The following APAF1 variants were observed in gnomAD, a reference collection of about 807,000 sequenced individuals.
APAF1 encodes apoptotic protease-activating factor 1.
In APAF1, 91 loss-of-function variants were observed where a neutral mutation model predicts 152.4. The ratio of observed to expected loss-of-function variants is 0.60; its 90% CI spans 0.50 to 0.71. The LOEUF is 0.71. Among genes scored for constraint, APAF1 ranks in the 30% least tolerant of loss-of-function variants. APAF1 has a pLI of 0.00. For missense variants in APAF1, 1,283 were observed against 1,472.0 expected (o/e 0.87, Z 2.10); for synonymous variants, 484 against 494.1 (o/e 0.98, Z 0.27).
chr12:98,653,688 A>ATATATAT (rs58969166), intron 4 of APAF1, among the ~76,000 whole-genome samples: 1 of 63,928 alleles, frequency 1.6e-5, no homozygotes, highest in Non-Finnish European at 3.1e-5. Context: ...AAAAAAAAAA[A>ATATATAT]AAAATATATA....
intron 4 of APAF1, among the ~76,000 whole-genome samples, chr12:98,650,857 G>A (rs1288827768): frequency 1.3e-5 from 2 of 152,104 alleles, no homozygotes; most frequent in East Asian, 3.8e-4. Context: ...TTCCTTTAGT[G>A]TGAAGGAATG....
At chr12:98,654,816 CTTT>C (rs758991431) in intron 4 of APAF1, among the ~76,000 whole-genome samples, 393 of 116,796 alleles carry the variant, frequency 3.4e-3, no homozygotes, top group African/African-American at 9.7e-3. Context: ...GTAGTATTTT[CTTT>C]TTTTTTTTTT....
chr12:98,713,791 A>G (rs1385930398), intron 21 of APAF1, among the ~76,000 whole-genome samples: 1 of 152,188 alleles, frequency 6.6e-6, no homozygotes, highest in Non-Finnish European at 1.5e-5. Context: ...TCATTTTCAT[A>G]AGGAATTACA....
In APAF1 at chr12:98,691,383, C is replaced by A. The variant is rs373043585; in HGVS notation, c.2304+4510C>A. 2.0e-4 allele frequency among the ~76,000 whole-genome samples: 30 copies of A among 152,154 alleles called. 1 individual carries two copies. In the East Asian group the frequency reaches 3.1e-3, roughly 16 times the overall value. On this transcript the variant is annotated intron_variant, in intron 16 of 26. Coordinates refer to ENST00000551964, the MANE Select transcript of APAF1 (RefSeq NM_181861.2). The stretch of plus-strand genomic sequence containing the variant: ...TGGGCCTTCCTGAGCCTTATAAAGC[C>A]AAAAAGTGAAAAACCTTTGATTCTT...
intron 26 of APAF1, 91 bp from the exon 27 acceptor site, chr12:98,732,329 G>A: frequency 8.7e-7 from 1 of 1,150,650 alleles, no homozygotes; most frequent in Non-Finnish European, 1.3e-6. Context: ...TCGGTTGGGG[G>A]GAGGAGATAG....
intron 13 of APAF1, among the ~76,000 whole-genome samples, chr12:98,679,811 C>T (rs114335874): frequency 2.4e-3 from 364 of 152,380 alleles, no homozygotes; most frequent in African/African-American, 7.9e-3. Context: ...CTGCCTGCCC[C>T]GCTGCAGCAG....
chr12:98,662,088 T>C (rs534156368), intron 5 of APAF1, among the ~76,000 whole-genome samples: 1 of 151,966 alleles, frequency 6.6e-6, no homozygotes, highest in Non-Finnish European at 1.5e-5. Flanking sequence ...CAGTTCTAGT[T>C]TGGTTTTGGT....
chr12:98,735,305 CTT>C lies in APAF1; in HGVS notation c.*2740_*2741del, dbSNP rs1405965394. 1.2e-5 allele frequency: 5 copies of C among 402,476 alleles called. No homozygotes were observed. The highest frequency in any genetic ancestry group is 4.1e-5 in the African/African-American group (2 of 48,632). The allele number at this position is 402,476 out of a possible 1,614,324, so 24.9% of individuals were successfully genotyped here. ...TAATTTTTTTTTACATTATATGTCT[CTT>C]GTATGTTTTGAAACTCTTGTATTTA... On this transcript the variant is annotated 3_prime_UTR_variant, in exon 27 of 27. Transcript: ENST00000551964.
intron 16 of APAF1, among the ~76,000 whole-genome samples, chr12:98,698,080 A>G (rs1374755033): frequency 6.6e-6 from 1 of 152,268 alleles, no homozygotes; most frequent in Non-Finnish European, 1.5e-5. Context: ...CTGCTTGGAC[A>G]GAAGCTGAAG....
intron 10 of APAF1, among the ~76,000 whole-genome samples, chr12:98,670,193 T>C (rs2097678340): frequency 6.6e-6 from 1 of 152,128 alleles, no homozygotes. Flanking sequence ...ATCCACCCTC[T>C]TCAGCCTCTC....
At chr12:98,667,761 TTTGA>T in intron 10 of APAF1, 117 bp downstream of exon 10, 2 of 847,684 alleles carry the variant, frequency 2.4e-6, no homozygotes, top group African/African-American at 1.9e-5. Context: ...TTGCTTTCCA[TTTGA>T]TTTTTTTTTT....
In APAF1 at chr12:98,732,961, G is replaced by T; in HGVS notation, c.*395G>T. 4.8e-6 allele frequency: 1 copy of T among 206,960 alleles called. No individual in the cohort carries two copies. The highest frequency in any genetic ancestry group is 9.7e-6 in the Non-Finnish European group (1 of 103,236). 12.8% of individuals were successfully genotyped at this position (206,960 alleles called of 1,614,324 possible). ...CAGGCTGTGCCTCAGGGTAGCAGTG[G>T]CCTGCTTTTTGAACCACACTTACCC... is the stretch of plus-strand genomic sequence containing the variant. On this transcript the variant is annotated 3_prime_UTR_variant, in exon 27 of 27. Transcript: ENST00000551964.
chr12:98,662,335 A>G, intron 5 of APAF1, 121 bp from the exon 6 acceptor site: 1 of 710,024 alleles, frequency 1.4e-6, no homozygotes, highest in Non-Finnish European at 2.4e-6. Context: ...AGATCTAGCC[A>G]TCTATTTGTT....
chr12:98,679,171 A>G (rs1056704768), intron 13 of APAF1, among the ~76,000 whole-genome samples: 3 of 152,186 alleles, frequency 2.0e-5, no homozygotes, highest in Admixed American at 6.5e-5. Context: ...TGAAGCCCAT[A>G]AAAGCCTCGG....
intron 22 of APAF1, among the ~76,000 whole-genome samples, chr12:98,722,006 A>G (rs915818078): frequency 1.3e-5 from 2 of 152,134 alleles, no homozygotes; most frequent in Admixed American, 6.5e-5. Context: ...TCAGAATTTT[A>G]GCTTCATCAG....
intron 4 of APAF1, among the ~76,000 whole-genome samples, chr12:98,654,725 G>T (rs573318416): frequency 7.7e-4 from 116 of 151,518 alleles, no homozygotes; most frequent in African/African-American, 2.7e-3. Flanking sequence ...CAAATTTTAG[G>T]TAGTACAAAT....
intron 22 of APAF1, among the ~76,000 whole-genome samples, chr12:98,720,691 T>C (rs112394296): frequency 0.026 from 3,891 of 152,168 alleles, 175 homozygotes; most frequent in African/African-American, 0.089. Flanking sequence ...TCCAGCCGGG[T>C]GCGGTGGCTC....
chr12:98,680,413 C>G lies in APAF1; in HGVS notation c.2046+11C>G, dbSNP rs2097691052. The stretch of plus-strand genomic sequence containing the variant: ...GATAAAAAAGTGAAGGTAGGAAAAT[C>G]TTTTCCTCTTGAGTTGTAATCACAA... On this transcript the variant is annotated intron_variant, in intron 14 of 26. Transcript: ENST00000551964. 12 of 1,611,564 alleles carry G rather than the reference C, an allele frequency of 7.4e-6. No individual in the cohort carries two copies. The highest frequency in any genetic ancestry group is 1.0e-5 in the Non-Finnish European group (12 of 1,179,488).
rs561397043 is a variant in APAF1 at position 98,683,823 on chromosome 12, G to A, written c.2178+549G>A. On this transcript the variant is annotated intron_variant, in intron 15 of 26. Transcript: ENST00000551964. Reference sequence around the variant, plus strand: ...GAGTGAGGTCAACTCTACTTGAATCGTAAGTAGAGCTTAATTCAAAAGAGA... The same window carrying A: ...GAGTGAGGTCAACTCTACTTGAATCATAAGTAGAGCTTAATTCAAAAGAGA... Among the ~76,000 whole-genome samples, 5 of 152,290 alleles carry A rather than the reference G, an allele frequency of 3.3e-5. No individual in the cohort carries two copies. In the South Asian group the frequency reaches 6.2e-4, roughly 19 times the overall value.
Sources: allele counts gnomAD v4.1 joint callset (sites outside exome capture counted in the v4.1 genomes callset), GRCh38; gene constraint gnomAD v4.1.1; transcripts MANE v1.5; gene names NCBI Gene and HGNC (gene_info 2026-07-23, HGNC 2026-07-21).